The following USP49 variants were observed in gnomAD, a reference collection of about 807,000 sequenced individuals.
The protein encoded by USP49 is ubiquitin carboxyl-terminal hydrolase 49.
In USP49, 24 loss-of-function variants were observed where a neutral mutation model predicts 58.6. The observed-to-expected ratio is 0.41, with a 90% confidence interval of 0.30 to 0.58. USP49 has a LOEUF of 0.58. USP49 is among the 20% of genes least tolerant of loss of function. USP49 has a pLI of 0.30. For missense variants in USP49, 703 were observed against 866.1 expected, an observed-to-expected ratio of 0.81 and a Z score of 2.36; for synonymous variants, 408 against 365.1, an observed-to-expected ratio of 1.12 and a Z score of -1.34.
intron 3 of USP49, among the ~76,000 whole-genome samples, chr6:41,842,074 T>G (rs1226943503): frequency 6.8e-6 from 1 of 146,832 alleles, no homozygotes; most frequent in East Asian, 2.1e-4. Flanking sequence ...AAAATAAAAA[T>G]GCATCACTTG....
At chr6:41,888,628 T>C (rs1426743043) in intron 2 of USP49, among the ~76,000 whole-genome samples, 1 of 151,762 alleles carries the variant, frequency 6.6e-6, no homozygotes, top group Non-Finnish European at 1.5e-5. Context: ...TAATTTTGTA[T>C]TTTTAGTAGA....
At chr6:41,842,074 T>C (rs1226943503) in intron 3 of USP49, among the ~76,000 whole-genome samples, 1 of 146,832 alleles carries the variant, frequency 6.8e-6, no homozygotes, top group African/African-American at 2.5e-5. Context: ...AAAATAAAAA[T>C]GCATCACTTG....
intron 7 of USP49, among the ~76,000 whole-genome samples, chr6:41,797,385 G>A (rs1485989347): frequency 1.3e-5 from 2 of 152,220 alleles, no homozygotes; most frequent in South Asian, 2.1e-4. Flanking sequence ...AGGAGGAGAG[G>A]AGAAATGGAA....
intron 3 of USP49, among the ~76,000 whole-genome samples, chr6:41,843,833 C>CAGGA (rs1476342534): frequency 6.6e-6 from 1 of 152,110 alleles, no homozygotes; most frequent in African/African-American, 2.4e-5. Context: ...CACCTGAGGT[C>CAGGA]AGGAGTTCAA....
chr6:41,891,188 G>A (rs144929325), intron 2 of USP49, among the ~76,000 whole-genome samples: 61 of 152,298 alleles, frequency 4.0e-4, no homozygotes, highest in African/African-American at 1.4e-3. Flanking sequence ...CTTCACAACA[G>A]GCAAGCCAGA....
chr6:41,794,884 G>A lies in USP49; in HGVS notation c.*1649C>T, dbSNP rs1041729979. 6.6e-6 allele frequency: 1 copy of A among 152,178 alleles called. No individual in the cohort carries two copies. Among genetic ancestry groups the A allele is most frequent in the Non-Finnish European group, 1.5e-5 (1 of 68,020 alleles). The allele number at this position is 152,178 out of a possible 1,614,324, so 9.4% of individuals were successfully genotyped here. On this transcript the variant is annotated 3_prime_UTR_variant, in exon 8 of 8. Transcript: ENST00000682992. Reference sequence around the variant, plus strand: ...TATCAGGGTGAGCCATTTTTTGTCTGAATTTCCTCCATGTCTCAGTGCTGC... The same window carrying A: ...TATCAGGGTGAGCCATTTTTTGTCTAAATTTCCTCCATGTCTCAGTGCTGC...
intron 3 of USP49, among the ~76,000 whole-genome samples, chr6:41,836,491 T>C (rs1354776291): frequency 2.0e-5 from 3 of 152,136 alleles, no homozygotes; most frequent in Non-Finnish European, 2.9e-5. Flanking sequence ...TCACGGCTCC[T>C]ACTCAGCGTA....
rs760185846 is a variant in USP49, at chr6:41,806,401, G to T, written c.583C>A (p.Arg195=). Residue 195 remains arginine (R), a synonymous_variant, in exon 4 of 8, where the codon CGG becomes AGG. Coordinates refer to ENST00000682992, the MANE Select transcript of USP49 (RefSeq NM_001286554.2). This position sits in a 1 kb window ranked among gnomAD's most constrained non-coding sequence, Gnocchi z 5.9. ...ARRRRREVKR[R]LLEELASTPP... ...GTGCTGGCCAGCTCCTCCAGCAGCC[G>T]CCGTTTCACCTCGCGCCGCCGCCTC... The T allele has an allele frequency of 9.0e-6, 14 of 1,559,810 alleles. No homozygotes were observed. Among genetic ancestry groups the T allele is most frequent in the South Asian group, 3.5e-5 (3 of 84,592 alleles).
chr6:41,838,562 G>A (rs1479582159), intron 3 of USP49, among the ~76,000 whole-genome samples: 1 of 152,148 alleles, frequency 6.6e-6, no homozygotes, highest in Admixed American at 6.5e-5. Flanking sequence ...CTATCCCTAG[G>A]GGAAGGGGGA....
intron 3 of USP49, among the ~76,000 whole-genome samples, chr6:41,847,366 A>G (rs1773941637): frequency 6.6e-6 from 1 of 152,212 alleles, no homozygotes; most frequent in South Asian, 2.1e-4. Context: ...GAAAAATTCA[A>G]TAACTGAACT....
At chr6:41,857,761 G>T (rs1054477974) in intron 3 of USP49, among the ~76,000 whole-genome samples, 2 of 152,160 alleles carry the variant, frequency 1.3e-5, no homozygotes, top group African/African-American at 4.8e-5. Context: ...CACCTGATTA[G>T]ACTTTGAAGT....
intron 7 of USP49, 164 bp downstream of exon 7, chr6:41,798,560 G>A: frequency 1.3e-6 from 2 of 1,533,214 alleles, no homozygotes; most frequent in Non-Finnish European, 1.8e-6. Flanking sequence ...ACAGGTGTGA[G>A]CCACGGCGCC....
chr6:41,874,945 G>C (rs563246293), intron 2 of USP49, among the ~76,000 whole-genome samples: 36 of 152,220 alleles, frequency 2.4e-4, no homozygotes, highest in Non-Finnish European at 7.3e-5. Flanking sequence ...CTGAGTGACA[G>C]AGTGACACCT....
rs138421874 is a variant in USP49 at position 41,820,510 on chromosome 6, T to C, written c.-28-13499A>G. 3.0e-4 allele frequency among the ~76,000 whole-genome samples: 45 copies of C among 152,162 alleles called. No homozygotes were observed. The East Asian group carries it at 6.6e-3, about 22-fold the overall frequency. ...TCTTTGTATGTAGAAATACCTCTGA[T>C]ATATTTATAGGTGAAATATTAATAT... On this transcript the variant is annotated intron_variant, in intron 3 of 7. Coordinates refer to ENST00000682992, the MANE Select transcript of USP49 (RefSeq NM_001286554.2).
At chr6:41,872,360 T>C (rs994949215) in intron 2 of USP49, among the ~76,000 whole-genome samples, 15 of 152,220 alleles carry the variant, frequency 9.9e-5, no homozygotes, top group African/African-American at 3.6e-4. Context: ...AGAAAATATG[T>C]TCCCGGCCGG....
intron 3 of USP49, among the ~76,000 whole-genome samples, chr6:41,859,588 A>G (rs1365102358): frequency 6.6e-6 from 1 of 152,176 alleles, no homozygotes; most frequent in Non-Finnish European, 1.5e-5. Flanking sequence ...TGCCGAGAAC[A>G]GAGCAGGAAC....
chr6:41,840,742 C>A (rs1052562804), intron 3 of USP49, among the ~76,000 whole-genome samples: 22 of 152,182 alleles, frequency 1.4e-4, no homozygotes, highest in African/African-American at 5.3e-4. Context: ...AAAGTCTTAG[C>A]CCAACCTCCT....
At chr6:41,872,033 A>AT (rs1774419753) in intron 2 of USP49, among the ~76,000 whole-genome samples, 1 of 152,262 alleles carries the variant, frequency 6.6e-6, no homozygotes, top group South Asian at 2.1e-4. Context: ...CGTAAGCAAA[A>AT]TATATAACAA....
chr6:41,810,578 ACT>A (rs1277572863), intron 3 of USP49, among the ~76,000 whole-genome samples: 2 of 146,450 alleles, frequency 1.4e-5, no homozygotes, highest in Admixed American at 1.4e-4. Flanking sequence ...ACAGAGCCTC[ACT>A]CTGTTGCCCA....
Sources: allele counts gnomAD v4.1 joint callset (sites outside exome capture counted in the v4.1 genomes callset), GRCh38; gene constraint gnomAD v4.1.1; non-coding constraint Gnocchi (gnomAD v3.1); transcripts MANE v1.5; gene names NCBI Gene and HGNC (gene_info 2026-07-23, HGNC 2026-07-21).